The following CPVL variants were observed in gnomAD, a reference collection of about 807,000 sequenced individuals.
CPVL encodes the protein probable serine carboxypeptidase CPVL.
In CPVL, 51 loss-of-function variants were observed where a neutral mutation model predicts 63.7. The ratio of observed to expected loss-of-function variants is 0.80; its 90% CI spans 0.64 to 1.01. CPVL has a LOEUF of 1.01. CPVL is among the 50% of genes least tolerant of loss of function. The probability of loss-of-function intolerance (pLI) is 0.00; values close to 1 mark genes in which losing one functional copy is unlikely to be tolerated. For synonymous variants in CPVL, 195 were observed against 206.0 expected, an observed-to-expected ratio of 0.95 and a Z score of 0.46; for missense variants, 530 against 573.1, an observed-to-expected ratio of 0.92 and a Z score of 0.77.
In CPVL at chr7:29,048,222, T is replaced by C. The variant is rs187663319; in HGVS notation, c.1137+15839A>G. ...GCAATGGTACCTCATATCTCAATAG[T>C]AACATTGAATGCAAATGGCCTAAAT... On this transcript the variant is annotated intron_variant, in intron 11 of 12. Coordinates refer to ENST00000265394, the MANE Select transcript of CPVL (RefSeq NM_031311.5). Among the ~76,000 whole-genome samples, 643 of 152,298 alleles carry C rather than the reference T, an allele frequency of 4.2e-3. 5 individuals are homozygous for C. The highest frequency in any genetic ancestry group is 0.014 in the African/African-American group (592 of 41,568).
At chr7:29,015,295 C>T (rs1407025124) in intron 12 of CPVL, among the ~76,000 whole-genome samples, 1 of 152,156 alleles carries the variant, frequency 6.6e-6, no homozygotes, top group East Asian at 1.9e-4. Flanking sequence ...ACCCCAAGGG[C>T]AGTGGTATGG....
intron 9 of CPVL, among the ~76,000 whole-genome samples, chr7:29,071,484 G>T (rs61494714): frequency 0.11 from 16,817 of 152,122 alleles, 3,091 homozygotes; most frequent in African/African-American, 0.38. Flanking sequence ...CTGCCTTGAG[G>T]GCCTCCACAG....
intron 9 of CPVL, among the ~76,000 whole-genome samples, chr7:29,068,452 G>A (rs1783358943): frequency 1.3e-5 from 2 of 152,078 alleles, no homozygotes; most frequent in Non-Finnish European, 2.9e-5. Context: ...CTCTACCAAT[G>A]CTACCATTGC....
chr7:29,102,818 G>A (rs1318439460), intron 3 of CPVL, among the ~76,000 whole-genome samples: 1 of 152,176 alleles, frequency 6.6e-6, no homozygotes, highest in Non-Finnish European at 1.5e-5. Flanking sequence ...CAGAAAGAGA[G>A]AAGTTATCTA....
At chr7:29,038,777 T>G (rs1370757121) in intron 11 of CPVL, among the ~76,000 whole-genome samples, 1 of 152,230 alleles carries the variant, frequency 6.6e-6, no homozygotes, top group Non-Finnish European at 1.5e-5. Flanking sequence ...TCCAACACTA[T>G]CCATTTATTT....
At chr7:29,130,120 C>CA (rs1269511317) in intron 1 of CPVL, among the ~76,000 whole-genome samples, 1 of 152,080 alleles carries the variant, frequency 6.6e-6, no homozygotes, top group African/African-American at 2.4e-5. Context: ...GTTACAGCAT[C>CA]CCTAGGAAAC....
At chr7:29,052,281 A>G (rs982868264) in intron 11 of CPVL, among the ~76,000 whole-genome samples, 1 of 151,766 alleles carries the variant, frequency 6.6e-6, no homozygotes, top group South Asian at 2.1e-4. Context: ...TACCCCAATA[A>G]CCTATGGGGA....
At chr7:29,161,148 G>C (rs550019541) in intron 5 of CPVL, among the ~76,000 whole-genome samples, 22 of 152,276 alleles carry the variant, frequency 1.4e-4, no homozygotes, top group Admixed American at 3.9e-4. Context: ...AGAGGAAGGT[G>C]CTCAAGGTTA....
At chr7:29,059,441 A>C (rs973812202) in intron 11 of CPVL, among the ~76,000 whole-genome samples, 2 of 152,184 alleles carry the variant, frequency 1.3e-5, no homozygotes, top group African/African-American at 4.8e-5. Flanking sequence ...TTCATGCAAA[A>C]ATTATCGATA....
At chr7:29,129,181 C>A (rs1209774477) in intron 1 of CPVL, among the ~76,000 whole-genome samples, 1 of 152,134 alleles carries the variant, frequency 6.6e-6, no homozygotes, top group Non-Finnish European at 1.5e-5. Flanking sequence ...AGAGATATGA[C>A]AAAGGCTGGG....
chr7:29,178,023 A>T (rs944907816), intron 5 of CPVL, among the ~76,000 whole-genome samples: 1 of 152,126 alleles, frequency 6.6e-6, no homozygotes, highest in African/African-American at 2.4e-5. Flanking sequence ...AAAACCTAGG[A>T]GTCACCTTGA....
chr7:29,044,002 T>C (rs1259031753), intron 11 of CPVL, among the ~76,000 whole-genome samples: 2 of 152,160 alleles, frequency 1.3e-5, no homozygotes, highest in Non-Finnish European at 2.9e-5. Context: ...ATCATGATGA[T>C]GATGATGATG....
At chr7:29,174,652 G>A (rs1797040333) in intron 5 of CPVL, among the ~76,000 whole-genome samples, 2 of 152,280 alleles carry the variant, frequency 1.3e-5, no homozygotes, top group South Asian at 4.1e-4. Flanking sequence ...CCTGAGGTCA[G>A]GAGTTCGAGA....
intron 3 of CPVL, among the ~76,000 whole-genome samples, chr7:29,105,011 T>C (rs1003764607): frequency 6.6e-6 from 1 of 152,196 alleles, no homozygotes; most frequent in African/African-American, 2.4e-5. Context: ...TCTATATCTC[T>C]GATGCCATTA....
At position 29,095,896 on chromosome 7, in the gene CPVL, A is replaced by C. The variant is rs183783233; in HGVS notation, c.403+207T>G. On this transcript the variant is annotated intron_variant, in intron 4 of 12. Coordinates refer to ENST00000265394, the MANE Select transcript of CPVL (RefSeq NM_031311.5). ...GAAAGCGGATTAGAACTTTTCACCC[A>C]AATTTCAAGGGAGAAAGCAGCCCAG... Among the ~76,000 whole-genome samples, 451 of 152,292 alleles carry C rather than the reference A, an allele frequency of 3.0e-3. 7 individuals are homozygous for C. Among genetic ancestry groups the C allele is most frequent in the Admixed American group, 0.024 (365 of 15,300 alleles).
intron 3 of CPVL, among the ~76,000 whole-genome samples, chr7:29,105,438 G>A (rs140098629): frequency 6.6e-6 from 1 of 152,322 alleles, no homozygotes; most frequent in East Asian, 1.9e-4. Flanking sequence ...GAAGAATGAA[G>A]CACAGATGAG....
chr7:29,189,470 T>C, intron 1 of CPVL, among the ~76,000 whole-genome samples: 1 of 152,160 alleles, frequency 6.6e-6, no homozygotes, highest in Non-Finnish European at 1.5e-5. Flanking sequence ...ACTCACTCCC[T>C]GCTTTTGCCC....
chr7:29,140,667 C>T (rs1308205098), intron 1 of CPVL, among the ~76,000 whole-genome samples: 1 of 152,146 alleles, frequency 6.6e-6, no homozygotes, highest in Non-Finnish European at 1.5e-5. Context: ...GAGGAAGCAG[C>T]ATAATTCTCA....
At chr7:29,126,053 G>GT (rs1161773520) in intron 1 of CPVL, among the ~76,000 whole-genome samples, 1 of 152,194 alleles carries the variant, frequency 6.6e-6, no homozygotes, top group Non-Finnish European at 1.5e-5. Flanking sequence ...CAATTAAACT[G>GT]TTATTGAAGA....
Sources: gnomAD v4.1 joint callset for allele counts (sites outside exome capture counted in the v4.1 genomes callset) on GRCh38, gnomAD v4.1.1 for gene constraint, MANE v1.5 for transcripts, NCBI Gene and HGNC (gene_info 2026-07-23, HGNC 2026-07-21) for gene names.